Variants in NKAIN3 observed in about 807,000 individuals in gnomAD.
NKAIN3 encodes sodium/potassium transporting ATPase interacting 3, also known as sodium/potassium-transporting ATPase subunit beta-1-interacting protein 3.
NKAIN3 carries 25 observed loss-of-function variants against 30.2 expected under a neutral mutation model. The observed-to-expected ratio is 0.83, with a 90% CI of 0.60 to 1.16. The LOEUF is 1.16. Among genes scored for constraint, NKAIN3 ranks in the 50% most tolerant of loss-of-function variants. NKAIN3 has a pLI of 0.00. For synonymous variants in NKAIN3, 91 were observed against 89.6 expected, an observed-to-expected ratio of 1.02 and a Z score of -0.09; for missense variants, 225 against 254.1, an observed-to-expected ratio of 0.89 and a Z score of 0.78.
chr8:62,747,501 C>T (rs1279181678), intron 4 of NKAIN3, among the ~76,000 whole-genome samples: 1 of 152,194 alleles, frequency 6.6e-6, no homozygotes, highest in Non-Finnish European at 1.5e-5. Flanking sequence ...GATGGAAACA[C>T]CCACAGCCAA....
chr8:62,603,700 T>C (rs1811046046), intron 3 of NKAIN3, among the ~76,000 whole-genome samples: 1 of 152,086 alleles, frequency 6.6e-6, no homozygotes, highest in African/African-American at 2.4e-5. Context: ...GAAGCATCTG[T>C]GCATCTGATT....
chr8:62,466,788 A>G (rs766337832), intron 1 of NKAIN3, among the ~76,000 whole-genome samples: 1 of 152,140 alleles, frequency 6.6e-6, no homozygotes, highest in African/African-American at 2.4e-5. Flanking sequence ...TTCTTTTGCA[A>G]TCCATAGTTC....
At chr8:62,919,226 AATTTTT>A (rs1563627924) in intron 5 of NKAIN3, among the ~76,000 whole-genome samples, 4 of 88,436 alleles carry the variant, frequency 4.5e-5, no homozygotes, top group African/African-American at 9.9e-5. Flanking sequence ...TTACTTTCAA[AATTTTT>A]TTTTTTTTTT....
chr8:62,355,033 T>G (rs1044391879), intron 1 of NKAIN3, among the ~76,000 whole-genome samples: 5 of 152,224 alleles, frequency 3.3e-5, no homozygotes, highest in African/African-American at 1.2e-4. Flanking sequence ...TCAGGCTGTT[T>G]GCTTTCCAAA....
intron 1 of NKAIN3, among the ~76,000 whole-genome samples, chr8:62,502,527 C>A (rs1585879828): frequency 7.6e-6 from 1 of 130,968 alleles, no homozygotes; most frequent in African/African-American, 2.7e-5. Context: ...TCTTCTTCTT[C>A]TCCTTCCTCC....
intron 3 of NKAIN3, among the ~76,000 whole-genome samples, chr8:62,719,721 G>A (rs982561094): frequency 4.1e-5 from 6 of 144,990 alleles, no homozygotes; most frequent in Non-Finnish European, 9.1e-5. Flanking sequence ...AACATTTCCT[G>A]TAATCTTCTG....
At position 62,900,817 on chromosome 8, in the gene NKAIN3, T is replaced by C. The variant is rs1821591693; in HGVS notation, c.472-17636T>C. ...CTAATAGTAGTGGCAAAGGTAAAAGTTAAACTGAGATCTCTCTGACCACAA... is the reference window on the plus strand; with the variant it reads ...CTAATAGTAGTGGCAAAGGTAAAAGCTAAACTGAGATCTCTCTGACCACAA... On this transcript the variant is annotated intron_variant, in intron 4 of 6. Transcript: ENST00000623646. Among the ~76,000 whole-genome samples, 9 of 152,074 alleles carry C rather than the reference T, an allele frequency of 5.9e-5. No individual in the cohort carries two copies. The South Asian group carries it at 1.9e-3, about 32-fold the overall frequency.
chr8:62,656,069 G>A (rs1285027240), intron 3 of NKAIN3, among the ~76,000 whole-genome samples: 1 of 152,084 alleles, frequency 6.6e-6, no homozygotes, highest in African/African-American at 2.4e-5. Flanking sequence ...TCCAGAGACA[G>A]ATCTCAAGGA....
rs189383916 is a variant in NKAIN3 at position 62,435,415 on chromosome 8, G to A, written c.55-144124G>A. Among the ~76,000 whole-genome samples, 6 of 151,960 alleles carry A rather than the reference G, an allele frequency of 3.9e-5. No homozygotes were observed. The East Asian group carries it at 1.2e-3, about 30-fold the overall frequency. ...TGACAGAATTAGTATGTGGAGCCAG[G>A]GGGACTGAATTGCTGGGCAATGGGT... On this transcript the variant is annotated intron_variant, in intron 1 of 6. Coordinates refer to ENST00000623646, the MANE Select transcript of NKAIN3 (RefSeq NM_001304533.3).
chr8:62,815,017 T>TA (rs929595862), intron 4 of NKAIN3, among the ~76,000 whole-genome samples: 22 of 151,716 alleles, frequency 1.5e-4, no homozygotes, highest in Non-Finnish European at 2.6e-4. Context: ...ATAGATGCAA[T>TA]AAAAAATGAT....
At chr8:62,736,272 C>A (rs534882809) in intron 3 of NKAIN3, among the ~76,000 whole-genome samples, 71 of 152,202 alleles carry the variant, frequency 4.7e-4, no homozygotes, top group African/African-American at 1.6e-3. Context: ...CTTTGCCTAC[C>A]AGGGTGGGTA....
At chr8:62,441,804 A>G (rs1409627175) in intron 1 of NKAIN3, among the ~76,000 whole-genome samples, 1 of 152,022 alleles carries the variant, frequency 6.6e-6, no homozygotes, top group African/African-American at 2.4e-5. Flanking sequence ...TTGATAAGAA[A>G]CATCTTTATC....
chr8:62,560,788 G>A (rs951580157), intron 1 of NKAIN3, among the ~76,000 whole-genome samples: 4 of 151,722 alleles, frequency 2.6e-5, no homozygotes, highest in South Asian at 2.1e-4. Flanking sequence ...TAATACACCC[G>A]TCTCGGCCTC....
intron 1 of NKAIN3, among the ~76,000 whole-genome samples, chr8:62,468,415 A>C (rs13274193): frequency 0.18 from 27,886 of 151,942 alleles, 2,656 homozygotes; most frequent in African/African-American, 0.22. Flanking sequence ...TTGGAAGAGG[A>C]GTTTGCACTG....
At chr8:62,617,141 C>A (rs1305839333) in intron 3 of NKAIN3, among the ~76,000 whole-genome samples, 1 of 152,172 alleles carries the variant, frequency 6.6e-6, no homozygotes, top group African/African-American at 2.4e-5. Flanking sequence ...TGAGTAAATG[C>A]AAGTGCCATG....
chr8:62,554,937 T>C lies in NKAIN3; in HGVS notation c.55-24602T>C, dbSNP rs1019186623. Among the ~76,000 whole-genome samples, 11 of 152,036 alleles carry C rather than the reference T, an allele frequency of 7.2e-5. No homozygotes were observed. The South Asian group carries it at 1.2e-3, about 17-fold the overall frequency. ...AAGTGAGATTATGCAGTATTTTTCT[T>C]TTCCTGTTTGGCTCTTTTCACTTGG... On this transcript the variant is annotated intron_variant, in intron 1 of 6. Coordinates refer to ENST00000623646, the MANE Select transcript of NKAIN3 (RefSeq NM_001304533.3).
rs566554230 is a variant in NKAIN3 at position 62,802,564 on chromosome 8, G to T, written c.471+55435G>T. Among the ~76,000 whole-genome samples, 158 of 152,172 alleles carry T rather than the reference G, an allele frequency of 1.0e-3. 2 individuals are homozygous for T. The highest frequency in any genetic ancestry group is 3.6e-3 in the African/African-American group (150 of 41,492). ...AAATACTTTACAGACAAGCAAATGT[G>T]GAGAGATTTTGTCACCACCAGGCCT... On this transcript the variant is annotated intron_variant, in intron 4 of 6. Transcript: ENST00000623646.
At position 62,345,658 on chromosome 8, in the gene NKAIN3, C is replaced by CACAT. The variant is rs1256180372; in HGVS notation, c.54+96532_54+96533insCATA. ...ATATATGTATATATACACATATATA[C>CACAT]ATATGTATACCTGGAATATATATAC... On this transcript the variant is annotated intron_variant, in intron 1 of 6. Transcript: ENST00000623646. Among the ~76,000 whole-genome samples, 595 of 136,946 alleles carry CACAT rather than the reference C, an allele frequency of 4.3e-3. 12 individuals are homozygous for CACAT. Among genetic ancestry groups the CACAT allele is most frequent in the African/African-American group, 0.016 (570 of 35,292 alleles). The allele number at this position is 136,946 out of a possible 152,430, so 89.8% of individuals were successfully genotyped here. A position where few individuals can be genotyped will look rare whatever the true frequency, so the allele number is the denominator to read the frequency against.
chr8:62,498,766 G>T (rs1807321592), intron 1 of NKAIN3, among the ~76,000 whole-genome samples: 2 of 150,994 alleles, frequency 1.3e-5, no homozygotes, highest in Admixed American at 1.3e-4. Context: ...GACTTGGGAA[G>T]CAAGTCCATC....
Sources: gnomAD v4.1 joint callset for allele counts (sites outside exome capture counted in the v4.1 genomes callset) on GRCh38, gnomAD v4.1.1 for gene constraint, MANE v1.5 for transcripts, NCBI Gene and HGNC (gene_info 2026-07-23, HGNC 2026-07-21) for gene names.